GALNTL6: variants seen among roughly 807,000 people sequenced by gnomAD.
GALNTL6 encodes polypeptide N-acetylgalactosaminyltransferase-like 6.
A neutral mutation model predicts 73.7 loss-of-function variants in GALNTL6; 46 were observed. The ratio of observed to expected loss-of-function variants is 0.62; its 90% CI spans 0.49 to 0.80. GALNTL6 has a LOEUF of 0.80. GALNTL6 is among the 30% of genes least tolerant of loss of function. The pLI, the probability that GALNTL6 is intolerant of heterozygous loss-of-function variation, is 0.00. For missense variants in GALNTL6, 604 were observed against 755.0 expected (o/e 0.80, Z 2.34); for synonymous variants, 259 against 263.7 (o/e 0.98, Z 0.17).
At chr4:171,974,842 G>A (rs1462320552) in intron 2 of GALNTL6, among the ~76,000 whole-genome samples, 1 of 152,098 alleles carries the variant, frequency 6.6e-6, no homozygotes, top group Admixed American at 6.5e-5. Flanking sequence ...ATCATTTTTA[G>A]TAGCAACACA....
intron 2 of GALNTL6, among the ~76,000 whole-genome samples, chr4:172,066,728 T>C (rs1298039619): frequency 1.3e-5 from 2 of 152,174 alleles, no homozygotes; most frequent in Non-Finnish European, 2.9e-5. Flanking sequence ...ACTACACTTA[T>C]CATTTTAACA....
chr4:172,443,162 A>AT (rs1731899687), intron 5 of GALNTL6, among the ~76,000 whole-genome samples: 2 of 97,804 alleles, frequency 2.0e-5, no homozygotes, highest in African/African-American at 4.5e-5. Flanking sequence ...ATATATATAT[A>AT]TTTCTTTTTT....
At chr4:172,405,405 A>G (rs939741553) in intron 5 of GALNTL6, among the ~76,000 whole-genome samples, 5 of 7,672 alleles carry the variant, frequency 6.5e-4, no homozygotes, top group Non-Finnish European at 1.5e-3. Context: ...TATACTTGAT[A>G]TATATATATA....
intron 5 of GALNTL6, among the ~76,000 whole-genome samples, chr4:172,571,171 C>G (rs1433396420): frequency 6.6e-6 from 1 of 152,134 alleles, no homozygotes; most frequent in Middle Eastern, 3.2e-3. Flanking sequence ...TTATGGCAGC[C>G]CTAGCGAACT....
chr4:172,210,757 TAAAG>T (rs1309177267), intron 2 of GALNTL6, among the ~76,000 whole-genome samples: 3 of 152,160 alleles, frequency 2.0e-5, no homozygotes, highest in Non-Finnish European at 4.4e-5. Context: ...ACTTAAGGAA[TAAAG>T]AGTTACGTTC....
At chr4:172,040,341 T>C (rs1374240607) in intron 2 of GALNTL6, among the ~76,000 whole-genome samples, 1 of 152,136 alleles carries the variant, frequency 6.6e-6, no homozygotes, top group Non-Finnish European at 1.5e-5. Flanking sequence ...CTTATTTTTT[T>C]CTCAGTTTTA....
chr4:172,767,827 G>A (rs1397972102), intron 5 of GALNTL6, among the ~76,000 whole-genome samples: 4 of 151,678 alleles, frequency 2.6e-5, no homozygotes, highest in East Asian at 3.9e-4. Context: ...ACACCACCAC[G>A]CCCAGCTAAT....
intron 3 of GALNTL6, among the ~76,000 whole-genome samples, chr4:172,288,896 G>T (rs1031581592): frequency 6.6e-6 from 1 of 152,002 alleles, no homozygotes; most frequent in African/African-American, 2.4e-5. Flanking sequence ...TAACTAAAAT[G>T]CCAATTTCAA....
At chr4:171,840,221 T>C (rs1385949753) in intron 2 of GALNTL6, among the ~76,000 whole-genome samples, 1 of 152,174 alleles carries the variant, frequency 6.6e-6, no homozygotes, top group Non-Finnish European at 1.5e-5. Flanking sequence ...GGCCCTACTA[T>C]AGCCAATATT....
chr4:171,963,532 T>C (rs1739292246), intron 2 of GALNTL6, among the ~76,000 whole-genome samples: 1 of 152,176 alleles, frequency 6.6e-6, no homozygotes, highest in Non-Finnish European at 1.5e-5. Flanking sequence ...AGGTAAACTG[T>C]TTATGTATAT....
chr4:172,619,077 A>G (rs1258938818), intron 5 of GALNTL6, among the ~76,000 whole-genome samples: 1 of 152,138 alleles, frequency 6.6e-6, no homozygotes, highest in Non-Finnish European at 1.5e-5. Context: ...TGGCTTAAAT[A>G]AGAGGTCAGG....
chr4:172,145,341 C>T lies in GALNTL6; in HGVS notation c.139-84315C>T, dbSNP rs577265535. Among the ~76,000 whole-genome samples the T allele has an allele frequency of 2.6e-3, 402 of 152,124 alleles. 5 individuals carry two copies. The highest frequency in any genetic ancestry group is 3.4e-3 in the Middle Eastern group (1 of 294). On this transcript the variant is annotated intron_variant, in intron 2 of 12. Transcript: ENST00000506823. ...ATTTTTAGTAGAGATGTGGTTTCAC[C>T]GTGTTAGCCAGAAGGGTCTCGATCT...
chr4:172,469,040 C>A (rs744774), intron 5 of GALNTL6, among the ~76,000 whole-genome samples: 136,113 of 152,150 alleles, frequency 0.89, 60,988 homozygotes, highest in African/African-American at 0.95. Flanking sequence ...ATTTGTTCTG[C>A]AAATGAGGAC....
At chr4:172,323,367 G>A (rs1740825274) in intron 4 of GALNTL6, among the ~76,000 whole-genome samples, 1 of 152,098 alleles carries the variant, frequency 6.6e-6, no homozygotes, top group South Asian at 2.1e-4. Context: ...GAAAAACAGT[G>A]TGACTAAAAC....
intron 2 of GALNTL6, among the ~76,000 whole-genome samples, chr4:172,224,841 CT>C (rs1403973690): frequency 6.6e-6 from 1 of 152,002 alleles, no homozygotes; most frequent in African/African-American, 2.4e-5. Flanking sequence ...ATGTTTTATC[CT>C]TGGAAATAGT....
rs533318372 is a variant in GALNTL6, at chr4:172,632,593, A to G, written c.554-176768A>G. ...ATTCAAGAGGAAGCAGAGAATAAAA[A>G]TCTGACTATGCAATAAAAAAAAAAA... On this transcript the variant is annotated intron_variant, in intron 5 of 12. Transcript: ENST00000506823. 4.1e-4 allele frequency among the ~76,000 whole-genome samples: 62 copies of G among 152,234 alleles called. 2 individuals are homozygous for G. In the South Asian group the frequency reaches 0.013, roughly 32 times the overall value.
At chr4:172,303,846 T>C (rs929568724) in intron 3 of GALNTL6, among the ~76,000 whole-genome samples, 2 of 152,158 alleles carry the variant, frequency 1.3e-5, no homozygotes, top group Non-Finnish European at 2.9e-5. Context: ...CTCACTCCCC[T>C]GCCCCTGCCC....
chr4:172,630,163 T>C (rs1283438082), intron 5 of GALNTL6, among the ~76,000 whole-genome samples: 7 of 152,200 alleles, frequency 4.6e-5, no homozygotes, highest in African/African-American at 1.7e-4. Flanking sequence ...CTTTCATTAC[T>C]GTCAGTCTTC....
intron 2 of GALNTL6, among the ~76,000 whole-genome samples, chr4:172,197,678 AG>A (rs543996147): frequency 2.0e-5 from 3 of 152,224 alleles, no homozygotes; most frequent in Admixed American, 6.5e-5. Flanking sequence ...GACAAAAACA[AG>A]CAATGAGGAA....
Sources: gnomAD v4.1 joint callset for allele counts (sites outside exome capture counted in the v4.1 genomes callset) on GRCh38, gnomAD v4.1.1 for gene constraint, MANE v1.5 for transcripts, NCBI Gene and HGNC (gene_info 2026-07-23, HGNC 2026-07-21) for gene names.